Variants in NAV3 observed in about 807,000 individuals in gnomAD.
NAV3 encodes pore membrane and/or filament interacting like protein 1.
Under a neutral mutation model 244.7 loss-of-function variants are expected in NAV3, and 87 were observed. That is an observed-to-expected ratio of 0.36 (90% CI 0.30 to 0.42). The LOEUF (loss-of-function observed/expected upper bound fraction) is 0.42, where lower values mean the gene tolerates loss of function less well. Ranked by LOEUF, NAV3 falls within the 20% of genes least tolerant of loss-of-function variation. The pLI, the probability that NAV3 is intolerant of heterozygous loss-of-function variation, is 1.00. For missense variants in NAV3, 2,663 were observed against 2,893.3 expected, an observed-to-expected ratio of 0.92 and a Z score of 1.83; for synonymous variants, 1,126 against 1,042.2, an observed-to-expected ratio of 1.08 and a Z score of -1.55.
intron 2 of NAV3, among the ~76,000 whole-genome samples, chr12:77,589,685 CCA>C (rs1869815670): frequency 6.6e-6 from 1 of 152,238 alleles, no homozygotes; most frequent in Non-Finnish European, 1.5e-5. Flanking sequence ...CAATCACCCT[CCA>C]CCAGTTCCCT....
chr12:77,946,118 ATATT>A (rs937803478), intron 3 of NAV3, among the ~76,000 whole-genome samples: 37 of 147,626 alleles, frequency 2.5e-4, no homozygotes, highest in South Asian at 1.1e-3. Context: ...ATATATATAT[ATATT>A]GTGTAAATAT....
chr12:78,192,368 T>C (rs1207271647), intron 34 of NAV3, among the ~76,000 whole-genome samples: 7 of 151,736 alleles, frequency 4.6e-5, no homozygotes, highest in Non-Finnish European at 1.0e-4. Context: ...AGGAAGAAAC[T>C]GTTTTTATTT....
In NAV3 at chr12:77,711,143, CT is replaced by C. The variant is rs376939120; in HGVS notation, c.72+138880del. Among the ~76,000 whole-genome samples, 269 of 152,290 alleles carry C rather than the reference CT, an allele frequency of 1.8e-3. 1 individual carries two copies. The highest frequency in any genetic ancestry group is 6.1e-3 in the African/African-American group (255 of 41,574). On this transcript the variant is annotated intron_variant, in intron 2 of 8. Coordinates refer to the NAV3 transcript ENST00000550042. ...AGTACACAGCAAAATTATTTGAGTG[CT>C]TTGAATTTTGTGAAATATCAGACCC...
chr12:77,892,700 C>T (rs1884090461), intron 1 of NAV3, among the ~76,000 whole-genome samples: 1 of 152,204 alleles, frequency 6.6e-6, no homozygotes. Context: ...CAGGCGTGAG[C>T]CACTGCGCCC....
chr12:77,660,375 A>G (rs1024764574), intron 2 of NAV3, among the ~76,000 whole-genome samples: 2 of 152,184 alleles, frequency 1.3e-5, no homozygotes, highest in Non-Finnish European at 2.9e-5. Flanking sequence ...ATCATAAACT[A>G]AATTATTAAG....
chr12:78,059,052 A>G lies in NAV3; in HGVS notation c.2573A>G (p.Asp858Gly), dbSNP rs202206958. ...LYTRSLNRIP[D>G]TATSRDIIQR... ...ACTAGAAGTCTGAACCGAATACCAG[A>G]CACAGCAACTTCCCGGGACATCATC... Residue 858 changes from aspartate to glycine, a missense_variant, in exon 12 of 40, where the codon GAC becomes GGC. Physicochemically the swap from Asp to Gly is moderately conservative, Grantham distance 94. Transcript: ENST00000397909. The G allele has an allele frequency of 1.7e-4, 269 of 1,612,162 alleles. No homozygotes were observed. The highest frequency in any genetic ancestry group is 2.1e-4 in the Non-Finnish European group (245 of 1,179,008).
chr12:77,949,722 T>C (rs947364159), intron 3 of NAV3, among the ~76,000 whole-genome samples: 8 of 152,090 alleles, frequency 5.3e-5, no homozygotes, highest in African/African-American at 1.7e-4. Context: ...GAATCCATGA[T>C]TCATATTAAA....
At chr12:77,724,037 A>G (rs1489172227) in intron 2 of NAV3, among the ~76,000 whole-genome samples, 1 of 151,768 alleles carries the variant, frequency 6.6e-6, no homozygotes, top group Admixed American at 6.6e-5. Flanking sequence ...ACATCCATTA[A>G]ATGGGGATAA....
intron 2 of NAV3, among the ~76,000 whole-genome samples, chr12:77,604,908 A>T (rs1281870038): frequency 6.6e-6 from 1 of 152,120 alleles, no homozygotes; most frequent in Non-Finnish European, 1.5e-5. Flanking sequence ...ATTAAACTCT[A>T]AACAAAAACA....
chr12:78,054,234 G>T (rs1261000144), intron 11 of NAV3, among the ~76,000 whole-genome samples: 5 of 152,078 alleles, frequency 3.3e-5, no homozygotes, highest in Admixed American at 3.3e-4. Context: ...AACATAGAAG[G>T]TATAAATTAT....
At chr12:77,956,292 G>T (rs1314050385) in intron 3 of NAV3, among the ~76,000 whole-genome samples, 1 of 152,118 alleles carries the variant, frequency 6.6e-6, no homozygotes, top group Admixed American at 6.6e-5. Context: ...TGTGAAAAAT[G>T]AGAAGTATAG....
At chr12:77,627,046 T>C (rs1430480909) in intron 2 of NAV3, among the ~76,000 whole-genome samples, 2 of 152,242 alleles carry the variant, frequency 1.3e-5, no homozygotes, top group Middle Eastern at 3.4e-3. Context: ...AGTAACATCC[T>C]AGAATGTAAA....
At chr12:77,710,848 A>G (rs767797400) in intron 2 of NAV3, among the ~76,000 whole-genome samples, 2 of 152,164 alleles carry the variant, frequency 1.3e-5, no homozygotes, top group Admixed American at 6.5e-5. Flanking sequence ...AAATGAACTA[A>G]TCTATTTGGC....
chr12:77,975,528 C>T (rs1308959882), intron 5 of NAV3, among the ~76,000 whole-genome samples: 1 of 152,120 alleles, frequency 6.6e-6, no homozygotes, highest in East Asian at 1.9e-4. Context: ...CGAGGAAAGT[C>T]CTCATTCAGA....
rs543062634 is a variant in NAV3, at chr12:77,820,367, G to C, written c.73-119952G>C. Among the ~76,000 whole-genome samples, 6 of 152,218 alleles carry C rather than the reference G, an allele frequency of 3.9e-5. No homozygotes were observed. In the East Asian group the frequency reaches 9.7e-4, roughly 25 times the overall value. On this transcript the variant is annotated intron_variant, in intron 2 of 8. Coordinates refer to the NAV3 transcript ENST00000550042. ...TCCTAGATCAAGGCACTGACATCTG[G>C]TGAGGGTCTTCTGGCTGCATCTTCA...
intron 10 of NAV3, 111 bp from the exon 11 acceptor site, chr12:78,050,653 G>T: frequency 9.1e-7 from 1 of 1,099,260 alleles, no homozygotes; most frequent in Non-Finnish European, 1.3e-6. Context: ...TCGGGAAGAT[G>T]ACGTGTTTAT....
intron 2 of NAV3, among the ~76,000 whole-genome samples, chr12:77,643,614 C>A (rs559374059): frequency 1.3e-5 from 2 of 151,704 alleles, no homozygotes; most frequent in South Asian, 4.2e-4. Context: ...TTTGAGAAAC[C>A]TTTAAAGTAG....
chr12:77,727,094 C>A (rs940174385), intron 2 of NAV3, among the ~76,000 whole-genome samples: 1 of 151,874 alleles, frequency 6.6e-6, no homozygotes, highest in Non-Finnish European at 1.5e-5. Flanking sequence ...TGAGGAATAT[C>A]CACAGATTTG....
intron 5 of NAV3, 151 bp downstream of exon 5, chr12:77,968,853 C>T (rs1892745172): frequency 1.3e-6 from 1 of 741,356 alleles, no homozygotes; most frequent in Non-Finnish European, 2.1e-6. Flanking sequence ...GAAACTAAAA[C>T]CACTCTTGTT....
Sources: gnomAD v4.1 joint callset for allele counts (sites outside exome capture counted in the v4.1 genomes callset) on GRCh38, gnomAD v4.1.1 for gene constraint, MANE v1.5 for transcripts, NCBI Gene and HGNC (gene_info 2026-07-23, HGNC 2026-07-21) for gene names.